The following CACNA1S variants were observed in gnomAD, a reference collection of about 807,000 sequenced individuals.
CACNA1S encodes the protein voltage-dependent L-type calcium channel subunit alpha-1S.
In CACNA1S, 126 loss-of-function variants were observed where a neutral mutation model predicts 207.4. The observed-to-expected ratio is 0.61, with a 90% CI of 0.53 to 0.70. The LOEUF (loss-of-function observed/expected upper bound fraction) is 0.70, where lower values mean the gene tolerates loss of function less well. Among genes scored for constraint, CACNA1S ranks in the 30% least tolerant of loss-of-function variants. The pLI, the probability that CACNA1S is intolerant of heterozygous loss-of-function variation, is 0.00. For synonymous variants in CACNA1S, 960 were observed against 932.7 expected, an observed-to-expected ratio of 1.03 and a Z score of -0.53; for missense variants, 2,349 against 2,422.8, an observed-to-expected ratio of 0.97 and a Z score of 0.64.
At position 201,074,589 on chromosome 1, in the gene CACNA1S, G is replaced by A. The variant is rs1019612686; in HGVS notation, c.1980C>T (p.Ala660=). 2.3e-5 allele frequency: 37 copies of A among 1,613,524 alleles called. No homozygotes were observed. Among genetic ancestry groups the A allele is most frequent in the Non-Finnish European group, 2.8e-5 (33 of 1,179,624 alleles). Reference sequence around the variant, plus strand: ...TCTCCGCCTCGGCCAGGTTGTCCACGGCAATGGCCAGGAAGACATTGAGCA... The same window carrying A: ...TCTCCGCCTCGGCCAGGTTGTCCACAGCAATGGCCAGGAAGACATTGAGCA... ...YILLNVFLAI[A]VDNLAEAESL... Residue 660 remains alanine, a synonymous_variant, in exon 14 of 44, where the codon GCC becomes GCT. Transcript: ENST00000362061.
chr1:201,061,901 C>G, intron 24 of CACNA1S, 43 bp downstream of exon 24: 1 of 1,611,518 alleles, frequency 6.2e-7, no homozygotes, highest in Non-Finnish European at 8.5e-7. Context: ...CTGGTCCTAC[C>G]TGACCATGTC....
chr1:201,083,100 A>AT lies in CACNA1S; in HGVS notation c.1393+61dup. 7 of 1,580,946 alleles carry AT rather than the reference A, an allele frequency of 4.4e-6. No individual in the cohort carries two copies. In the South Asian group the frequency reaches 7.8e-5, roughly 18 times the overall value. ...GCACAACCTGTGGTGCCATTGGCTG[A>AT]TTTTGACATCAAGCCACAGCCACAT... On this transcript the variant is annotated intron_variant, in intron 10 of 43. Transcript: ENST00000362061.
At position 201,066,160 on chromosome 1, in the gene CACNA1S, T is replaced by G; in HGVS notation, c.2745+69A>C. 6.8e-7 allele frequency: 1 copy of G among 1,463,792 alleles called. No individual in the cohort carries two copies. The highest frequency in any genetic ancestry group is 2.3e-5 in the East Asian group (1 of 44,160). 90.7% of individuals were successfully genotyped at this position (1,463,792 alleles called of 1,614,324 possible). A position where few individuals can be genotyped will look rare whatever the true frequency, so the allele number is the denominator to read the frequency against. On this transcript the variant is annotated intron_variant, in intron 21 of 43. Transcript: ENST00000362061. This position sits in a 1 kb window ranked among gnomAD's most constrained non-coding sequence, Gnocchi z 4.3. ...TCCCAGCCATGGCTGGGCTGAGGTTTCTGGAGCGAGGAGGCCCCTGTAACC... is the reference window on the plus strand; with the variant it reads ...TCCCAGCCATGGCTGGGCTGAGGTTGCTGGAGCGAGGAGGCCCCTGTAACC...
rs973600373 is a variant in CACNA1S, at chr1:201,087,940, C to T, written c.901-11G>A. The T allele has an allele frequency of 1.3e-6, 2 of 1,573,882 alleles. No homozygotes were observed. Among genetic ancestry groups the T allele is most frequent in the Admixed American group, 1.7e-5 (1 of 59,648 alleles). Reference sequence around the variant, plus strand: ...GATGGCATCATTGACCTGGTCAGGACAGAAGTGTGATCCTCTGAGTTGAGG... The same window carrying T: ...GATGGCATCATTGACCTGGTCAGGATAGAAGTGTGATCCTCTGAGTTGAGG... On this transcript the variant is annotated splice_polypyrimidine_tract_variant and intron_variant, in intron 6 of 43. Coordinates refer to ENST00000362061, the MANE Select transcript of CACNA1S (RefSeq NM_000069.3).
rs746057386 is a variant in CACNA1S, at chr1:201,039,897, C to T, written c.5556G>A (p.Gly1852=). The T allele has an allele frequency of 5.1e-5, 83 of 1,613,238 alleles. No homozygotes were observed. Among genetic ancestry groups the T allele is most frequent in the Non-Finnish European group, 6.8e-5 (80 of 1,180,034 alleles). The change falls in exon 44 of 44, where the codon GGG becomes GGA. Residue 1852 remains glycine (G), a synonymous_variant. Coordinates refer to ENST00000362061, the MANE Select transcript of CACNA1S (RefSeq NM_000069.3). ...MASSLGCLNL[G]SSLGSLDQHQ... is the part of the protein sequence containing the mutation. The stretch of plus-strand genomic sequence containing the variant: ...GTTGGTCGAGGCTGCCCAGGGAGGA[C>T]CCGAGGTTCAGGCATCCCAGGGAGC...
At chr1:201,069,734 G>A in intron 17 of CACNA1S, 133 bp from the exon 18 acceptor site, 2 of 1,088,236 alleles carry the variant, frequency 1.8e-6, no homozygotes, top group South Asian at 1.5e-5. Context: ...GTGCAGCCCT[G>A]CACCTGCAGG....
Position 201,044,402 on chromosome 1 carries a change from AGACCGTGC to A in CACNA1S, c.4715_4722del (p.Arg1572LeufsTer7). 1 of 1,613,544 alleles carries A rather than the reference AGACCGTGC, an allele frequency of 6.2e-7. No homozygotes were observed. Among genetic ancestry groups the A allele is most frequent in the Non-Finnish European group, 8.5e-7 (1 of 1,179,900 alleles). Reference sequence around the variant, plus strand: ...TCCTCCTCAGCAGCCAGGTCTCCTGAGACCGTGCGACAGATCTCGGGGGCTGCCTCTTC... The same window carrying A: ...TCCTCCTCAGCAGCCAGGTCTCCTGAGACAGATCTCGGGGGCTGCCTCTTC... On this transcript the variant is annotated frameshift_variant, in exon 39 of 44. Transcript: ENST00000362061. LOFTEE classifies it high-confidence loss of function.
intron 2 of CACNA1S, among the ~76,000 whole-genome samples, chr1:201,106,530 G>A (rs975575058): frequency 2.0e-5 from 3 of 152,118 alleles, no homozygotes; most frequent in Non-Finnish European, 2.9e-5. Context: ...GAAAATGTGG[G>A]CCCCCACGTT....
chr1:201,051,229 AC>A (rs1572026562), intron 32 of CACNA1S, 86 bp from the exon 33 acceptor site: 1 of 1,350,416 alleles, frequency 7.4e-7, no homozygotes, highest in African/African-American at 1.4e-5. Context: ...CAGGGTGTGG[AC>A]AGATGAGCAA....
intron 10 of CACNA1S, among the ~76,000 whole-genome samples, chr1:201,081,888 C>G (rs1207774696): frequency 6.6e-6 from 1 of 152,176 alleles, no homozygotes; most frequent in East Asian, 1.9e-4. Context: ...GCCTGCCCTC[C>G]CTTTGCCTTC....
At position 201,058,450 on chromosome 1, in the gene CACNA1S, A is replaced by G; in HGVS notation, c.3567T>C (p.Ile1189=). 6.2e-7 allele frequency: 1 copy of G among 1,614,194 alleles called. No individual in the cohort carries two copies. Among genetic ancestry groups the G allele is most frequent in the Non-Finnish European group, 8.5e-7 (1 of 1,180,016 alleles). Residue 1189 remains isoleucine, a synonymous_variant, in exon 28 of 44, where the codon ATT becomes ATC. Transcript: ENST00000362061. The stretch of plus-strand genomic sequence containing the variant: ...TGACATCAATGATGCTGCCAATGAC[A>G]ATCAGGAAGTCAAACACATTCCAGG... The part of the protein sequence containing the change: ...GDPWNVFDFL[I]VIGSIIDVIL...
chr1:201,062,371 C>A, intron 23 of CACNA1S, 91 bp downstream of exon 23: 1 of 1,321,794 alleles, frequency 7.6e-7, no homozygotes, highest in East Asian at 2.3e-5. Flanking sequence ...GCCCCGTGAC[C>A]GTAACCCTCC....
At chr1:201,060,544 T>A in intron 26 of CACNA1S, 114 bp downstream of exon 26, 3 of 1,153,094 alleles carry the variant, frequency 2.6e-6, no homozygotes, top group Non-Finnish European at 3.9e-6. Context: ...CAGCACACAG[T>A]GCACAAGAAA....
intron 3 of CACNA1S, among the ~76,000 whole-genome samples, chr1:201,093,204 G>T (rs977810643): frequency 1.6e-4 from 25 of 152,168 alleles, no homozygotes; most frequent in African/African-American, 6.0e-4. Context: ...TGGAGACAGG[G>T]TCTTTAAAGA....
rs1660768654 is a variant in CACNA1S, at chr1:201,054,567, G to A, written c.3610-6C>T. The A allele has an allele frequency of 1.2e-6, 2 of 1,612,228 alleles. No individual in the cohort carries two copies. Among genetic ancestry groups the A allele is most frequent in the African/African-American group, 1.3e-5 (1 of 75,016 alleles). ...CCGCTGGAGGCCAGGAAAGTCTGTG[G>A]AGAAAAGAGACGAAGGGAGGGGAAG... On this transcript the variant is annotated splice_region_variant and splice_polypyrimidine_tract_variant and intron_variant, in intron 28 of 43. Transcript: ENST00000362061.
At chr1:201,078,234 G>T in intron 10 of CACNA1S, 130 bp from the exon 11 acceptor site, 4 of 764,668 alleles carry the variant, frequency 5.2e-6, no homozygotes, top group Non-Finnish European at 9.3e-6. Context: ...ATGTTTTTTG[G>T]GGGTGCAGGG....
chr1:201,063,918 A>G (rs923848024), intron 22 of CACNA1S, among the ~76,000 whole-genome samples: 1 of 152,256 alleles, frequency 6.6e-6, no homozygotes, highest in Non-Finnish European at 1.5e-5. Context: ...TGACTCTGCT[A>G]TAATGTGGAA....
At chr1:201,093,343 T>G (rs1662308125) in intron 3 of CACNA1S, among the ~76,000 whole-genome samples, 1 of 152,222 alleles carries the variant, frequency 6.6e-6, no homozygotes, top group Admixed American at 6.5e-5. Context: ...AGAGACTGTG[T>G]GAACCCAAAC....
Position 201,091,791 on chromosome 1 carries a change from G to A in CACNA1S, c.543C>T (p.Ser181=), listed in dbSNP as rs1188781560. 6.2e-7 allele frequency: 1 copy of A among 1,613,356 alleles called. No individual in the cohort carries two copies. Among genetic ancestry groups the A allele is most frequent in the South Asian group, 1.1e-5 (1 of 91,026 alleles). The stretch of plus-strand genomic sequence containing the variant: ...AGATGGAGTTCAGGACCACCTGCAG[G>A]CCTGCAGAGGCAGGCAGGGAAGGGA... ...RPLRLVSGVP[S]LQVVLNSIFK... The change falls in exon 5 of 44, where the codon AGC becomes AGT. Residue 181 remains serine (S), a splice_region_variant and synonymous_variant. Coordinates refer to ENST00000362061, the MANE Select transcript of CACNA1S (RefSeq NM_000069.3).
Sources: allele counts gnomAD v4.1 joint callset (sites outside exome capture counted in the v4.1 genomes callset), GRCh38; gene constraint gnomAD v4.1.1; non-coding constraint Gnocchi (gnomAD v3.1); transcripts MANE v1.5; gene names NCBI Gene and HGNC (gene_info 2026-07-23, HGNC 2026-07-21).